The following DMD variants were observed in gnomAD, a reference collection of about 807,000 sequenced individuals.
DMD encodes the protein mutant dystrophin.
A neutral mutation model predicts 330.1 loss-of-function variants in DMD; 63 were observed. The observed-to-expected ratio is 0.19, with a 90% CI of 0.16 to 0.24. The LOEUF (loss-of-function observed/expected upper bound fraction) is 0.24. Among genes scored for constraint, DMD ranks in the 10% least tolerant of loss-of-function variants. The probability of loss-of-function intolerance (pLI) is 1.00; values close to 1 mark genes in which losing one functional copy is unlikely to be tolerated. For missense variants in DMD, 3,344 were observed against 2,684.1 expected (o/e 1.25, Z -5.43); for synonymous variants, 1,223 against 959.8 (o/e 1.27, Z -5.07).
chrX:32,274,262 G>T (rs1467889075), intron 43 of DMD, among the ~76,000 whole-genome samples: 1 of 111,766 alleles, frequency 8.9e-6, no homozygotes, highest in Non-Finnish European at 1.9e-5. Flanking sequence ...CTATGGTGAG[G>T]ATGAAAATGC....
chrX:32,343,867 C>A (rs1398865359), intron 39 of DMD, among the ~76,000 whole-genome samples: 2 of 111,765 alleles, frequency 1.8e-5, no homozygotes, highest in African/African-American at 6.5e-5. Context: ...GTAGAAGTGT[C>A]ACCACTGTTC....
chrX:31,704,567 T>G (rs1197088250), intron 52 of DMD, among the ~76,000 whole-genome samples: 2 of 111,994 alleles, frequency 1.8e-5, no homozygotes, highest in African/African-American at 6.5e-5. Context: ...GTTATTTTCT[T>G]TAAAATAAGA....
intron 1 of DMD, among the ~76,000 whole-genome samples, chrX:33,104,665 A>G (rs1300531986): frequency 8.9e-6 from 1 of 111,937 alleles, no homozygotes; most frequent in Non-Finnish European, 1.9e-5. Flanking sequence ...TTTATGGCTC[A>G]CACAAAGCCT....
intron 1 of DMD, among the ~76,000 whole-genome samples, chrX:33,087,999 C>T (rs947657822): frequency 1.9e-4 from 21 of 111,274 alleles, no homozygotes; most frequent in African/African-American, 6.2e-4. Flanking sequence ...CTCTGCTTTG[C>T]GGCCCATAGC....
At chrX:31,304,897 G>C in intron 62 of DMD, among the ~76,000 whole-genome samples, 1 of 110,963 alleles carries the variant, frequency 9.0e-6, no homozygotes, top group Non-Finnish European at 1.9e-5. Context: ...TGCACAGCTA[G>C]ATACCCAATA....
chrX:31,855,739 C>A (rs1331524667), intron 48 of DMD, among the ~76,000 whole-genome samples: 1 of 107,927 alleles, frequency 9.3e-6, no homozygotes, highest in Non-Finnish European at 1.9e-5. Context: ...TAAAAAAAAA[C>A]AGCAACAATA....
rs150272870 is a variant in DMD, at chrX:32,708,141, T to C, written c.650-8848A>G. ...AGTGAGGCCAGAATAAAGATGTTTA[T>C]TTCATGTGACATAAATTTAATTGGT... On this transcript the variant is annotated intron_variant, in intron 7 of 78. Coordinates refer to ENST00000357033, the MANE Select transcript of DMD (RefSeq NM_004006.3). Among the ~76,000 whole-genome samples, 938 of 112,112 alleles carry C rather than the reference T, an allele frequency of 8.4e-3. 7 individuals are homozygous for C. Among genetic ancestry groups the C allele is most frequent in the African/African-American group, 0.028 (865 of 30,864 alleles).
chrX:31,540,968 G>C (rs750318101), intron 55 of DMD, among the ~76,000 whole-genome samples: 1 of 112,007 alleles, frequency 8.9e-6, no homozygotes, highest in South Asian at 3.7e-4. Flanking sequence ...CCTTTTGAGA[G>C]TGTGGGAGAA....
At chrX:31,855,881 C>T (rs1369944390) in intron 48 of DMD, among the ~76,000 whole-genome samples, 1 of 112,145 alleles carries the variant, frequency 8.9e-6, no homozygotes, top group Non-Finnish European at 1.9e-5. Flanking sequence ...ATATGTCAGT[C>T]TTCATCTGTG....
intron 60 of DMD, among the ~76,000 whole-genome samples, chrX:31,440,332 TG>T (rs202176648): frequency 0.058 from 6,371 of 109,800 alleles, 269 homozygotes; most frequent in African/African-American, 0.14. Context: ...TTTTTAGTAG[TG>T]ATGGGGTTTC....
chrX:32,775,994 C>A (rs770103744), intron 7 of DMD, among the ~76,000 whole-genome samples: 1 of 112,024 alleles, frequency 8.9e-6, no homozygotes, highest in Non-Finnish European at 1.9e-5. Context: ...AAAGTCAAGT[C>A]ACATCTTGAA....
rs1243015628 is a variant in DMD, at chrX:33,278,204, A to C, written c.7+61055T>G. ...ACATTTCAACTTTTATTTTACATCC[A>C]GGGGGTATATATGCAGGTTTGTTAC... On this transcript the variant is annotated intron_variant, in intron 1 of 17. Coordinates refer to the DMD transcript ENST00000288447. 2.7e-5 allele frequency among the ~76,000 whole-genome samples: 3 copies of C among 111,757 alleles called. No individual in the cohort carries two copies. In the East Asian group the frequency reaches 8.5e-4, roughly 31 times the overall value.
At chrX:32,898,655 G>T (rs2085946008) in intron 2 of DMD, among the ~76,000 whole-genome samples, 1 of 111,790 alleles carries the variant, frequency 8.9e-6, no homozygotes, top group South Asian at 3.7e-4. Context: ...GTAACTTCTG[G>T]GTTATTGCCA....
intron 63 of DMD, among the ~76,000 whole-genome samples, chrX:31,256,825 T>C (rs749003919): frequency 9.1e-6 from 1 of 109,868 alleles, no homozygotes; most frequent in Non-Finnish European, 1.9e-5. Flanking sequence ...ATTGTAGCTA[T>C]AGAGACACTA....
intron 9 of DMD, among the ~76,000 whole-genome samples, chrX:32,650,826 C>T (rs940193680): frequency 8.9e-6 from 1 of 112,124 alleles, no homozygotes; most frequent in African/African-American, 3.2e-5. Flanking sequence ...ACCGCATATA[C>T]AACAGCAATA....
At chrX:32,778,754 T>C (rs1289563972) in intron 7 of DMD, among the ~76,000 whole-genome samples, 1 of 111,633 alleles carries the variant, frequency 9.0e-6, no homozygotes, top group Non-Finnish European at 1.9e-5. Context: ...CCTACTCTTG[T>C]GCCTCTTTCA....
chrX:32,550,503 G>A (rs913572051), intron 16 of DMD, among the ~76,000 whole-genome samples: 11 of 111,044 alleles, frequency 9.9e-5, no homozygotes, highest in African/African-American at 3.3e-4. Context: ...GCGTTAAGAG[G>A]CAAGCTTATG....
At chrX:31,708,641 T>C (rs1213806586) in intron 52 of DMD, among the ~76,000 whole-genome samples, 1 of 111,945 alleles carries the variant, frequency 8.9e-6, no homozygotes, top group African/African-American at 3.2e-5. Context: ...CATTAAACAT[T>C]TTAATATTCA....
intron 52 of DMD, among the ~76,000 whole-genome samples, chrX:31,721,243 T>C (rs980709377): frequency 1.8e-5 from 2 of 111,650 alleles, no homozygotes; most frequent in East Asian, 5.6e-4. Flanking sequence ...GTAAATTTTA[T>C]GTGTTAACTT....
Sources: gnomAD v4.1 joint callset for allele counts (sites outside exome capture counted in the v4.1 genomes callset) on GRCh38, gnomAD v4.1.1 for gene constraint, MANE v1.5 for transcripts, NCBI Gene and HGNC (gene_info 2026-07-23, HGNC 2026-07-21) for gene names.